TAFA1: variants seen among roughly 807,000 people sequenced by gnomAD.
TAFA1 encodes the protein TAFA chemokine like family member 1, also known as chemokine-like protein TAFA-1.
In TAFA1, 4 loss-of-function variants were observed where a neutral mutation model predicts 18.5. The ratio of observed to expected loss-of-function variants is 0.22; its 90% CI spans 0.11 to 0.49. The LOEUF is 0.49. TAFA1 is among the 20% of genes least tolerant of loss of function. The probability of loss-of-function intolerance (pLI) is 0.98; values close to 1 mark genes in which losing one functional copy is unlikely to be tolerated. For missense variants in TAFA1, 147 were observed against 169.0 expected (o/e 0.87, Z 0.72); for synonymous variants, 56 against 55.2 (o/e 1.01, Z -0.06).
chr3:68,544,386 CT>C (rs1161284920), intron 4 of TAFA1, 99 bp from the exon 5 acceptor site: 2 of 1,223,382 alleles, frequency 1.6e-6, no homozygotes, highest in African/African-American at 3.0e-5. Flanking sequence ...AAGCAACATC[CT>C]AAAGATTCAA....
chr3:68,191,877 G>A (rs192682674), intron 2 of TAFA1, among the ~76,000 whole-genome samples: 10 of 151,862 alleles, frequency 6.6e-5, no homozygotes, highest in East Asian at 1.9e-4. Flanking sequence ...TGGTGTTTTC[G>A]TAAACTCTTC....
intron 3 of TAFA1, among the ~76,000 whole-genome samples, chr3:68,465,581 C>T (rs1173015386): frequency 6.6e-6 from 1 of 152,120 alleles, no homozygotes; most frequent in Non-Finnish European, 1.5e-5. Flanking sequence ...AAGTTAAAGT[C>T]TAGATGCAGA....
chr3:68,173,937 G>A (rs1331775008), intron 2 of TAFA1, among the ~76,000 whole-genome samples: 1 of 152,072 alleles, frequency 6.6e-6, no homozygotes, highest in Non-Finnish European at 1.5e-5. Context: ...GCAAGAAAAT[G>A]CATATTTTGG....
At chr3:68,127,756 G>A (rs1346868900) in intron 2 of TAFA1, among the ~76,000 whole-genome samples, 3 of 127,978 alleles carry the variant, frequency 2.3e-5, no homozygotes, top group African/African-American at 5.5e-5. Context: ...GGTAGCGGTG[G>A]TGATGCTGAT....
At chr3:68,317,633 G>A (rs557917430) in intron 2 of TAFA1, among the ~76,000 whole-genome samples, 1 of 152,090 alleles carries the variant, frequency 6.6e-6, no homozygotes, top group Non-Finnish European at 1.5e-5. Flanking sequence ...ATGGTCCCTG[G>A]AATATGCCAG....
chr3:68,487,149 A>G (rs562863793), intron 3 of TAFA1, among the ~76,000 whole-genome samples: 328 of 152,340 alleles, frequency 2.2e-3, no homozygotes, highest in Non-Finnish European at 4.1e-3. Flanking sequence ...GAGAATGTCA[A>G]TTGTCTAGAA....
intron 3 of TAFA1, among the ~76,000 whole-genome samples, chr3:68,469,379 G>T (rs952018845): frequency 1.3e-5 from 2 of 151,958 alleles, no homozygotes; most frequent in African/African-American, 4.8e-5. Context: ...TTTCTCTTTT[G>T]AAAAGTCAGA....
intron 2 of TAFA1, among the ~76,000 whole-genome samples, chr3:68,229,617 T>C (rs2066845814): frequency 6.6e-6 from 1 of 152,198 alleles, no homozygotes; most frequent in Non-Finnish European, 1.5e-5. Flanking sequence ...GATTATAACA[T>C]AGTTGACGTT....
chr3:68,084,247 A>G (rs557881951), intron 2 of TAFA1, among the ~76,000 whole-genome samples: 1 of 152,200 alleles, frequency 6.6e-6, no homozygotes, highest in Non-Finnish European at 1.5e-5. Context: ...TGTTATTTTT[A>G]TATGTGTAAA....
intron 2 of TAFA1, among the ~76,000 whole-genome samples, chr3:68,086,990 C>T (rs1157649765): frequency 6.6e-6 from 1 of 152,172 alleles, no homozygotes; most frequent in African/African-American, 2.4e-5. Context: ...AATCCCAAGA[C>T]AATAATTACA....
At chr3:68,450,971 T>C (rs529052737) in intron 3 of TAFA1, among the ~76,000 whole-genome samples, 5 of 152,278 alleles carry the variant, frequency 3.3e-5, no homozygotes, top group Admixed American at 3.3e-4. Context: ...TGAACGAAAA[T>C]GAAGTTACAT....
chr3:68,252,167 A>G (rs2067208810), intron 2 of TAFA1, among the ~76,000 whole-genome samples: 1 of 152,074 alleles, frequency 6.6e-6, no homozygotes, highest in Admixed American at 6.5e-5. Flanking sequence ...CTCTCCAGTC[A>G]CAGGTCCAAT....
At chr3:68,508,084 G>A (rs1374211002) in intron 3 of TAFA1, among the ~76,000 whole-genome samples, 1 of 152,066 alleles carries the variant, frequency 6.6e-6, no homozygotes, top group Non-Finnish European at 1.5e-5. Flanking sequence ...TTTATGATGA[G>A]GGCTCTCTTC....
At chr3:68,084,154 T>A (rs1402266423) in intron 2 of TAFA1, among the ~76,000 whole-genome samples, 1 of 152,134 alleles carries the variant, frequency 6.6e-6, no homozygotes, top group Non-Finnish European at 1.5e-5. Context: ...TCTAGGGCCA[T>A]CCCTAAGTAA....
intron 2 of TAFA1, among the ~76,000 whole-genome samples, chr3:68,344,923 G>A (rs796611610): frequency 2.0e-5 from 3 of 151,884 alleles, no homozygotes; most frequent in South Asian, 2.1e-4. Flanking sequence ...ATCCAACACC[G>A]GAAATTATGC....
chr3:68,345,548 A>G (rs1034272043), intron 2 of TAFA1, among the ~76,000 whole-genome samples: 1 of 152,238 alleles, frequency 6.6e-6, no homozygotes, highest in Non-Finnish European at 1.5e-5. Flanking sequence ...GTGAGAAATC[A>G]GCAATCCGTT....
chr3:68,525,922 A>T (rs551237446), intron 3 of TAFA1, among the ~76,000 whole-genome samples: 56 of 152,218 alleles, frequency 3.7e-4, no homozygotes, highest in African/African-American at 1.3e-3. Context: ...GCTGAGAACC[A>T]CAAGCTTTTC....
chr3:68,323,689 A>G (rs1258245872), intron 2 of TAFA1, among the ~76,000 whole-genome samples: 1 of 152,168 alleles, frequency 6.6e-6, no homozygotes, highest in Non-Finnish European at 1.5e-5. Context: ...TATTCCTTTA[A>G]CCTGTGAGAT....
intron 2 of TAFA1, among the ~76,000 whole-genome samples, chr3:68,019,279 G>T (rs1292611302): frequency 6.6e-6 from 1 of 152,092 alleles, no homozygotes; most frequent in African/African-American, 2.4e-5. Flanking sequence ...TGAAAGCATG[G>T]TTTTTTTCCT....
Sources: gnomAD v4.1 joint callset for allele counts (sites outside exome capture counted in the v4.1 genomes callset) on GRCh38, gnomAD v4.1.1 for gene constraint, MANE v1.5 for transcripts, NCBI Gene and HGNC (gene_info 2026-07-23, HGNC 2026-07-21) for gene names.